MS4A3: variants seen among roughly 807,000 people sequenced by gnomAD.
MS4A3 encodes the protein membrane-spanning 4-domains subfamily A member 3.
MS4A3 carries 18 observed loss-of-function variants against 24.7 expected under a neutral mutation model. That is an observed-to-expected ratio of 0.73 (90% CI 0.50 to 1.08). The LOEUF (loss-of-function observed/expected upper bound fraction) is 1.08, where lower values mean the gene tolerates loss of function less well. Among genes scored for constraint, MS4A3 ranks in the 50% least tolerant of loss-of-function variants. MS4A3 has a pLI of 0.00. For missense variants in MS4A3, 282 were observed against 251.7 expected (o/e 1.12, Z -0.82); for synonymous variants, 84 against 95.3 (o/e 0.88, Z 0.69).
chr11:60,061,476 C>G, intron 2 of MS4A3, 160 bp downstream of exon 2: 3 of 792,028 alleles, frequency 3.8e-6, no homozygotes, highest in South Asian at 3.0e-5. Flanking sequence ...CCTGCTCTCC[C>G]TCTTCTTCCT....
chr11:60,066,545 A>G (rs1855363856), intron 4 of MS4A3, among the ~76,000 whole-genome samples: 1 of 151,916 alleles, frequency 6.6e-6, no homozygotes, highest in Non-Finnish European at 1.5e-5. Flanking sequence ...TGTTTCCCTA[A>G]TTTCAAGGAT....
intron 2 of MS4A3, chr11:60,061,520 G>C: frequency 1.5e-6 from 1 of 667,684 alleles, no homozygotes. Context: ...TGAGGATGAA[G>C]ACCTTTATGA....
chr11:60,068,778 T>C (rs1380761143), intron 5 of MS4A3, among the ~76,000 whole-genome samples: 1 of 152,138 alleles, frequency 6.6e-6, no homozygotes, highest in Non-Finnish European at 1.5e-5. Flanking sequence ...TATGTATACA[T>C]GTGTCGTGTT....
chr11:60,059,986 AT>A (rs1855246218), intron 1 of MS4A3, among the ~76,000 whole-genome samples: 1 of 152,222 alleles, frequency 6.6e-6, no homozygotes, highest in South Asian at 2.1e-4. Context: ...TTATAAAAGC[AT>A]ATAAGCATTT....
intron 4 of MS4A3, 86 bp from the exon 5 acceptor site, chr11:60,066,865 C>A: frequency 9.3e-7 from 1 of 1,076,978 alleles, no homozygotes; most frequent in South Asian, 1.8e-5. Flanking sequence ...AAACAATATT[C>A]AATCAATGTT....
At chr11:60,061,883 T>A (rs1200964366) in intron 2 of MS4A3, among the ~76,000 whole-genome samples, 4 of 152,222 alleles carry the variant, frequency 2.6e-5, no homozygotes, top group Non-Finnish European at 4.4e-5. Context: ...AGACAGGGAC[T>A]TCTTATAGAT....
chr11:60,061,355 A>AG, intron 2 of MS4A3, 39 bp downstream of exon 2: 1 of 1,572,760 alleles, frequency 6.4e-7, no homozygotes, highest in Non-Finnish European at 8.6e-7. Flanking sequence ...TTAAGAGGGA[A>AG]GAAAATAAAT....
chr11:60,061,590 C>T (rs761887843), intron 2 of MS4A3: 9 of 453,050 alleles, frequency 2.0e-5, no homozygotes, highest in South Asian at 1.0e-4. Flanking sequence ...ATTTCCTTAA[C>T]GTTTTTAGTT....
At chr11:60,062,140 G>T (rs1806560608) in intron 2 of MS4A3, among the ~76,000 whole-genome samples, 1 of 152,156 alleles carries the variant, frequency 6.6e-6, no homozygotes, top group South Asian at 2.1e-4. Context: ...ATCATATTAT[G>T]ATGCAAAAGC....
intron 1 of MS4A3, among the ~76,000 whole-genome samples, chr11:60,057,414 TGTGA>T (rs1234580657): frequency 3.3e-5 from 5 of 151,812 alleles, no homozygotes; most frequent in Non-Finnish European, 7.4e-5. Flanking sequence ...TGTGTGTGTG[TGTGA>T]GAGAGAGACA....
At chr11:60,061,095 C>T in intron 1 of MS4A3, 51 bp from the exon 2 acceptor site, 1 of 1,488,832 alleles carries the variant, frequency 6.7e-7, no homozygotes, top group Non-Finnish European at 9.0e-7. Flanking sequence ...ATTTTAGTAG[C>T]TAGTGGAAAA....
chr11:60,057,975 C>T (rs1377428193), intron 1 of MS4A3, among the ~76,000 whole-genome samples: 1 of 152,128 alleles, frequency 6.6e-6, no homozygotes, highest in Non-Finnish European at 1.5e-5. Flanking sequence ...ACTGATTGAA[C>T]ATGTGTGTTA....
intron 4 of MS4A3, among the ~76,000 whole-genome samples, chr11:60,066,622 A>C (rs1278250772): frequency 6.6e-6 from 1 of 152,094 alleles, no homozygotes; most frequent in Non-Finnish European, 1.5e-5. Flanking sequence ...TGTCATTTCT[A>C]TTTAATATCA....
intron 1 of MS4A3, among the ~76,000 whole-genome samples, chr11:60,059,527 C>G (rs529361225): frequency 1.3e-5 from 2 of 152,018 alleles, no homozygotes; most frequent in Non-Finnish European, 2.9e-5. Context: ...TTATTTTTCC[C>G]GATCTCCTCC....
intron 1 of MS4A3, among the ~76,000 whole-genome samples, chr11:60,060,750 A>G (rs1177648038): frequency 1.2e-4 from 18 of 152,198 alleles, no homozygotes; most frequent in Non-Finnish European, 2.6e-4. Flanking sequence ...TACTAAATAA[A>G]TGACACCTAC....
chr11:60,058,201 T>C (rs1056704651), intron 1 of MS4A3, among the ~76,000 whole-genome samples: 2 of 151,980 alleles, frequency 1.3e-5, no homozygotes, highest in African/African-American at 4.8e-5. Context: ...AAGTATGACA[T>C]GTGGGCTGAA....
Position 60,064,310 on chromosome 11 carries a change from A to G in MS4A3, c.343A>G (p.Arg115Gly). 2 of 1,602,326 alleles carry G rather than the reference A, an allele frequency of 1.2e-6. 1 individual carries two copies. The highest frequency in any genetic ancestry group is 2.2e-5 in the South Asian group (2 of 89,076). The stretch of plus-strand genomic sequence containing the variant: ...TGTTGTAGCAGGGATAAAACCCACA[A>G]GAACATGGGTAAGTAGCACTTCCTC... ...LSVVAGIKPTRTWIQNSFGMN... is the reference protein window; with the variant it reads ...LSVVAGIKPTGTWIQNSFGMN... Residue 115 changes from arginine to glycine, a missense_variant, in exon 4 of 7, where the codon AGA becomes GGA. Transcript: ENST00000278865.
chr11:60,068,161 C>T (rs1351366004), intron 5 of MS4A3, among the ~76,000 whole-genome samples: 4 of 151,744 alleles, frequency 2.6e-5, no homozygotes, highest in Non-Finnish European at 4.4e-5. Context: ...CAAATAATGA[C>T]TTGAAGTTTT....
At chr11:60,065,968 G>C (rs1855354920) in intron 4 of MS4A3, among the ~76,000 whole-genome samples, 1 of 152,098 alleles carries the variant, frequency 6.6e-6, no homozygotes, top group African/African-American at 2.4e-5. Flanking sequence ...TCCAGCCCAG[G>C]TGTCTCTCCT....
Sources: gnomAD v4.1 joint callset for allele counts (sites outside exome capture counted in the v4.1 genomes callset) on GRCh38, gnomAD v4.1.1 for gene constraint, MANE v1.5 for transcripts, NCBI Gene and HGNC (gene_info 2026-07-23, HGNC 2026-07-21) for gene names.